The following PAPPA2 variants were observed in gnomAD, a reference collection of about 807,000 sequenced individuals.
The protein encoded by PAPPA2 is pappalysin 2, also known as pappalysin-2.
Under a neutral mutation model 176.4 loss-of-function variants are expected in PAPPA2, and 86 were observed. The ratio of observed to expected loss-of-function variants is 0.49; its 90% CI spans 0.41 to 0.58. The LOEUF (loss-of-function observed/expected upper bound fraction) is 0.58, where lower values mean the gene tolerates loss of function less well. PAPPA2 is among the 20% of genes least tolerant of loss of function. PAPPA2 has a pLI of 0.00. For synonymous variants in PAPPA2, 809 were observed against 852.2 expected (o/e 0.95, Z 0.88); for missense variants, 2,073 against 2,256.9 (o/e 0.92, Z 1.65).
intron 14 of PAPPA2, among the ~76,000 whole-genome samples, chr1:176,762,473 T>C (rs372235656): frequency 1.3e-5 from 2 of 152,232 alleles, no homozygotes; most frequent in South Asian, 4.1e-4. Context: ...CATGGATTAA[T>C]TGGACGAAGT....
At chr1:176,754,870 C>T (rs745615770) in intron 14 of PAPPA2, among the ~76,000 whole-genome samples, 4 of 152,152 alleles carry the variant, frequency 2.6e-5, no homozygotes, top group Non-Finnish European at 5.9e-5. Context: ...ACTCTCAGGC[C>T]GTGTCTGGTT....
chr1:176,695,815 G>A lies in PAPPA2; in HGVS notation c.2702G>A (p.Arg901Gln), dbSNP rs539005689. ...TATGTGCACACAGCTTCCTCCCGGC[G>A]GGTGTGTGACTCCTCAGGTTATTGG... ...RQYVHTASSR[R>Q]VCDSSGYWTP... Residue 901 changes from arginine (R) to glutamine (Q), a missense_variant, in exon 7 of 23, where the codon CGG (arginine) becomes CAG (glutamine). By Grantham distance (43) the Arg-to-Gln change is conservative. This residue lies in a region of PAPPA2 where 1,196 missense variants were observed against 1,330.4 expected (regional missense o/e 0.90). Transcript: ENST00000367662. 1.5e-5 allele frequency: 25 copies of A among 1,614,062 alleles called. No homozygotes were observed. The highest frequency in any genetic ancestry group is 1.0e-4 in the Admixed American group (6 of 60,006).
At chr1:176,812,476 G>A (rs943417531) in intron 21 of PAPPA2, among the ~76,000 whole-genome samples, 1 of 152,050 alleles carries the variant, frequency 6.6e-6, no homozygotes, top group Non-Finnish European at 1.5e-5. Context: ...ACTTCTAATT[G>A]TGCTTCAAAA....
In PAPPA2 at chr1:176,783,336, A is replaced by G. The variant is rs546982882; in HGVS notation, c.4716-6473A>G. Reference sequence around the variant, plus strand: ...CATGATAATTCTCTGGGACTCAACAAATCATACTTTTATTTTCACAAATGG... The same window carrying G: ...CATGATAATTCTCTGGGACTCAACAGATCATACTTTTATTTTCACAAATGG... On this transcript the variant is annotated intron_variant, in intron 17 of 22. Transcript: ENST00000367662. Among the ~76,000 whole-genome samples the G allele has an allele frequency of 1.2e-4, 19 of 152,326 alleles. No homozygotes were observed. In the South Asian group the frequency reaches 2.3e-3, roughly 18 times the overall value.
intron 2 of PAPPA2, among the ~76,000 whole-genome samples, chr1:176,573,657 AT>A (rs1190812404): frequency 1.3e-5 from 2 of 152,228 alleles, no homozygotes; most frequent in Non-Finnish European, 2.9e-5. Context: ...CAACTAAATA[AT>A]TTAGTTGCAG....
intron 1 of PAPPA2, among the ~76,000 whole-genome samples, chr1:176,481,252 GCACACACACACACACACACA>G (rs56206580): frequency 0.16 from 22,819 of 140,268 alleles, 2,386 homozygotes; most frequent in African/African-American, 0.3. Context: ...AGATTTTAAA[GCACACACACACACACACACA>G]CACACACACA....
chr1:176,626,164 G>A (rs1026650674), intron 3 of PAPPA2, among the ~76,000 whole-genome samples: 1 of 152,150 alleles, frequency 6.6e-6, no homozygotes, highest in Non-Finnish European at 1.5e-5. Context: ...GCCTCAGAAA[G>A]GCCTGTGTAT....
At chr1:176,756,684 CAG>C (rs1351814860) in intron 14 of PAPPA2, among the ~76,000 whole-genome samples, 3 of 152,116 alleles carry the variant, frequency 2.0e-5, no homozygotes, top group African/African-American at 7.2e-5. Flanking sequence ...TTCAGAAAGA[CAG>C]GGGCCCTGTA....
chr1:176,492,435 G>A (rs1647340810), intron 1 of PAPPA2, among the ~76,000 whole-genome samples: 1 of 152,186 alleles, frequency 6.6e-6, no homozygotes. Context: ...AAGTCATATA[G>A]TTAGTCAGTG....
intron 14 of PAPPA2, among the ~76,000 whole-genome samples, chr1:176,756,717 T>C (rs2102894879): frequency 6.6e-6 from 1 of 152,012 alleles, no homozygotes; most frequent in African/African-American, 2.4e-5. Flanking sequence ...TTATTATTAT[T>C]ATTATTATCA....
At chr1:176,793,141 G>A (rs1665257490) in intron 19 of PAPPA2, among the ~76,000 whole-genome samples, 1 of 152,162 alleles carries the variant, frequency 6.6e-6, no homozygotes, top group Admixed American at 6.5e-5. Context: ...GCTTCCAGGA[G>A]ACCATGTAAA....
intron 1 of PAPPA2, among the ~76,000 whole-genome samples, chr1:176,463,655 G>C (rs1229298234): frequency 6.6e-6 from 1 of 152,154 alleles, no homozygotes; most frequent in Non-Finnish European, 1.5e-5. Flanking sequence ...CTAATAACTT[G>C]TAACAAATTG....
chr1:176,563,182 A>C (rs185445956), intron 2 of PAPPA2, among the ~76,000 whole-genome samples: 1 of 152,330 alleles, frequency 6.6e-6, no homozygotes, highest in African/African-American at 2.4e-5. Context: ...ATTAAGGATG[A>C]ATAAAAGGGT....
chr1:176,744,784 A>G (rs1240948017), intron 14 of PAPPA2, among the ~76,000 whole-genome samples: 3 of 152,208 alleles, frequency 2.0e-5, no homozygotes, highest in African/African-American at 4.8e-5. Flanking sequence ...TTGGTTTCCA[A>G]TGATGTTTCT....
rs530159648 is a variant in PAPPA2 at position 176,659,712 on chromosome 1, A to G, written c.1992-11258A>G. Among the ~76,000 whole-genome samples the G allele has an allele frequency of 2.6e-5, 4 of 152,242 alleles. No individual in the cohort carries two copies. The South Asian group carries it at 8.3e-4, about 32-fold the overall frequency. On this transcript the variant is annotated intron_variant, in intron 3 of 22. Transcript: ENST00000367662. ...AATGAGAATGTGTTTAATCTTCAAG[A>G]TTGTAACAATTTATAATTTGAAGGA...
intron 15 of PAPPA2, among the ~76,000 whole-genome samples, chr1:176,768,510 G>A (rs1468855869): frequency 6.6e-6 from 1 of 152,134 alleles, no homozygotes; most frequent in African/African-American, 2.4e-5. Context: ...TACAGAAGGG[G>A]ATAGGATATA....
intron 12 of PAPPA2, among the ~76,000 whole-genome samples, chr1:176,731,665 G>A (rs927812231): frequency 6.6e-6 from 1 of 150,874 alleles, no homozygotes; most frequent in Non-Finnish European, 1.5e-5. Context: ...ATGTGTGTGT[G>A]TACATATATG....
chr1:176,775,071 G>A (rs868015960), intron 17 of PAPPA2, among the ~76,000 whole-genome samples: 13 of 152,152 alleles, frequency 8.5e-5, no homozygotes, highest in Admixed American at 2.6e-4. Flanking sequence ...AGCCTACCAG[G>A]TCTCCCTAGA....
intron 17 of PAPPA2, among the ~76,000 whole-genome samples, chr1:176,780,882 G>A (rs545048307): frequency 6.6e-6 from 1 of 152,240 alleles, no homozygotes; most frequent in South Asian, 2.1e-4. Context: ...TCTCAACCAT[G>A]CACTGATGAG....
Sources: gnomAD v4.1 joint callset for allele counts (sites outside exome capture counted in the v4.1 genomes callset) on GRCh38, gnomAD v4.1.1 for gene constraint, gnomAD v4.1.1 regional missense constraint, MANE v1.5 for transcripts, NCBI Gene and HGNC (gene_info 2026-07-23, HGNC 2026-07-21) for gene names.